Variants in HIF3A observed in about 807,000 individuals in gnomAD.
HIF3A encodes the protein hypoxia-inducible factor 3-alpha.
HIF3A carries 41 observed loss-of-function variants against 67.2 expected under a neutral mutation model. The ratio of observed to expected loss-of-function variants is 0.61; its 90% CI spans 0.48 to 0.79. The LOEUF (loss-of-function observed/expected upper bound fraction) is 0.79, where lower values mean the gene tolerates loss of function less well. Ranked by LOEUF, HIF3A falls within the 30% of genes least tolerant of loss-of-function variation. HIF3A has a pLI of 0.00. For missense variants in HIF3A, 855 were observed against 898.0 expected, an observed-to-expected ratio of 0.95 and a Z score of 0.61; for synonymous variants, 356 against 374.8, an observed-to-expected ratio of 0.95 and a Z score of 0.58.
intron 6 of HIF3A, chr19:46,310,743 C>T: frequency 2.8e-6 from 1 of 361,084 alleles, no homozygotes. Context: ...TCATTATTGT[C>T]ATCATTACTT....
rs776327303 is a variant in HIF3A, at chr19:46,321,916, G to C, written c.1285G>C (p.Ala429Pro). The change falls in exon 10 of 15, where the codon GCC (alanine) becomes CCC (proline). Residue 429 changes from alanine (A) to proline (P), a missense_variant. Coordinates refer to ENST00000377670, the MANE Select transcript of HIF3A (RefSeq NM_152795.4). ...CATCCTGGATGGGGCTTCAGTAGCA[G>C]CCACTCCCAGCACCCCGCTGGCCAC... is the stretch of plus-strand genomic sequence containing the variant. ...GPILDGASVA[A>P]TPSTPLATRH... The C allele has an allele frequency of 2.5e-6, 4 of 1,614,024 alleles. No homozygotes were observed. The highest frequency in any genetic ancestry group is 3.4e-6 in the Non-Finnish European group (4 of 1,180,038).
chr19:46,321,934 C>T lies in HIF3A; in HGVS notation c.1303C>T (p.Leu435=). 1 of 1,614,044 alleles carries T rather than the reference C, an allele frequency of 6.2e-7. No homozygotes were observed. The highest frequency in any genetic ancestry group is 8.5e-7 in the Non-Finnish European group (1 of 1,180,020). Residue 435 remains leucine (L), a synonymous_variant, in exon 10 of 15, where the codon CTG becomes TTG. Coordinates refer to ENST00000377670, the MANE Select transcript of HIF3A (RefSeq NM_152795.4). ...AGTAGCAGCCACTCCCAGCACCCCGCTGGCCACACGGCACCCCCAAAGTCC... is the reference window on the plus strand; with the variant it reads ...AGTAGCAGCCACTCCCAGCACCCCGTTGGCCACACGGCACCCCCAAAGTCC... ...ASVAATPSTP[L]ATRHPQSPLS...
rs1223368514 is a variant in HIF3A, at chr19:46,320,181, G to C, written c.1026-262G>C. 1.5e-4 allele frequency: 49 copies of C among 323,724 alleles called. 2 individuals carry two copies. In the South Asian group the frequency reaches 2.1e-3, roughly 14 times the overall value. 20.1% of individuals were successfully genotyped at this position (323,724 alleles called of 1,614,324 possible). On this transcript the variant is annotated intron_variant, in intron 8 of 14. Coordinates refer to ENST00000377670, the MANE Select transcript of HIF3A (RefSeq NM_152795.4). ...GGAGGCGGAGGTTGCAGTGAGCCGA[G>C]ATCGCGCCACTGCACTCCAGCCTGG...
At chr19:46,300,393 G>T (rs149974266) in intron 1 of HIF3A, among the ~76,000 whole-genome samples, 2,502 of 152,308 alleles carry the variant, frequency 0.016, 47 homozygotes, top group East Asian at 0.062. Context: ...GGGCGCGGTG[G>T]CTCATGCCTG....
intron 10 of HIF3A, among the ~76,000 whole-genome samples, chr19:46,322,693 G>T (rs571546538): frequency 6.6e-6 from 1 of 152,170 alleles, no homozygotes; most frequent in East Asian, 1.9e-4. Context: ...TTCCGGCCTC[G>T]GCCTCCCAGA....
intron 12 of HIF3A, 131 bp from the exon 13 acceptor site, chr19:46,331,025 C>A: frequency 3.6e-6 from 2 of 563,194 alleles, no homozygotes; most frequent in Non-Finnish European, 6.3e-6. Flanking sequence ...GATGGATGGA[C>A]TGGTGGGTGT....
intron 1 of HIF3A, among the ~76,000 whole-genome samples, chr19:46,302,096 A>G (rs906263647): frequency 6.6e-6 from 1 of 151,694 alleles, no homozygotes; most frequent in African/African-American, 2.4e-5. Context: ...TATTTTGCCT[A>G]TTTTTGTTAA....
chr19:46,308,040 G>C, intron 3 of HIF3A, among the ~76,000 whole-genome samples, 181 bp from the exon 4 acceptor site: 1 of 152,130 alleles, frequency 6.6e-6, no homozygotes, highest in East Asian at 1.9e-4. Context: ...CACTTGGTAT[G>C]CGCTGAATAA....
chr19:46,309,150 G>C lies in HIF3A; in HGVS notation c.562-1G>C. 1 of 1,611,694 alleles carries C rather than the reference G, an allele frequency of 6.2e-7. No homozygotes were observed. The highest frequency in any genetic ancestry group is 8.5e-7 in the Non-Finnish European group (1 of 1,178,386). Reference sequence around the variant, plus strand: ...CCTTGTCCCCTCATCTCGGCCCCCAGGTGCTGAACTGCTCTGGACATATGA... The same window carrying C: ...CCTTGTCCCCTCATCTCGGCCCCCACGTGCTGAACTGCTCTGGACATATGA... On this transcript the variant is annotated splice_acceptor_variant, in intron 5 of 14. Coordinates refer to ENST00000377670, the MANE Select transcript of HIF3A (RefSeq NM_152795.4). LOFTEE classifies it high-confidence loss of function.
At chr19:46,312,874 G>C (rs984108075) in intron 8 of HIF3A, 1 of 1,086,738 alleles carries the variant, frequency 9.2e-7, no homozygotes. Context: ...TGGGTGTGTA[G>C]ACTGTTAATT....
chr19:46,320,793 C>T (rs1310055006), intron 9 of HIF3A, among the ~76,000 whole-genome samples: 4 of 152,230 alleles, frequency 2.6e-5, no homozygotes, highest in African/African-American at 9.6e-5. Context: ...CTCTCCTGTC[C>T]TCCCTCCCCT....
At chr19:46,327,389 C>T (rs1336187699) in intron 11 of HIF3A, among the ~76,000 whole-genome samples, 1 of 151,168 alleles carries the variant, frequency 6.6e-6, no homozygotes, top group Admixed American at 6.6e-5. Context: ...AATCTTGGCT[C>T]ACTGCAACTT....
chr19:46,311,126 T>A (rs1030470016), intron 6 of HIF3A, among the ~76,000 whole-genome samples: 1 of 152,154 alleles, frequency 6.6e-6, no homozygotes, highest in Admixed American at 6.5e-5. Context: ...TCTCTTCCTC[T>A]CTCCTATGTC....
chr19:46,329,132 G>A, intron 11 of HIF3A, 75 bp from the exon 12 acceptor site: 7 of 1,392,844 alleles, frequency 5.0e-6, no homozygotes, highest in Non-Finnish European at 6.8e-6. Context: ...ACTCAGAAGT[G>A]ATGGTGCTGG....
intron 12 of HIF3A, 144 bp downstream of exon 12, chr19:46,329,622 A>G: frequency 2.0e-6 from 2 of 1,002,274 alleles, no homozygotes; most frequent in South Asian, 4.5e-5. Flanking sequence ...AGCACATGCC[A>G]AGTTTGTGCC....
Position 46,308,734 on chromosome 19 carries a change from A to G in HIF3A, c.520A>G (p.Ser174Gly), listed in dbSNP as rs1022313761. ...CTTGCGCATGAAGAGTACACTCACC[A>G]GCCGCGGGCGCACCCTCAACCTCAA... is the stretch of plus-strand genomic sequence containing the variant. ...FSLRMKSTLT[S>G]RGRTLNLKAA... Residue 174 changes from serine to glycine, a missense_variant, in exon 5 of 15, where the codon AGC becomes GGC. Ser to Gly is a moderately conservative substitution (Grantham distance 56). Coordinates refer to ENST00000377670, the MANE Select transcript of HIF3A (RefSeq NM_152795.4). 6.2e-7 allele frequency: 1 copy of G among 1,610,458 alleles called. No individual in the cohort carries two copies. Among genetic ancestry groups the G allele is most frequent in the Non-Finnish European group, 8.5e-7 (1 of 1,178,506 alleles).
At chr19:46,330,741 C>G (rs1601352103) in intron 12 of HIF3A, among the ~76,000 whole-genome samples, 1 of 126,750 alleles carries the variant, frequency 7.9e-6, no homozygotes, top group African/African-American at 3.1e-5. Flanking sequence ...AGATGGATGG[C>G]AGATGGGATG....
At position 46,343,173 on chromosome 19, in the gene HIF3A, GA is replaced by G; in HGVS notation, c.*3555del. On this transcript the variant is annotated 3_prime_UTR_variant, in exon 15 of 15. Coordinates refer to ENST00000377670, the MANE Select transcript of HIF3A (RefSeq NM_152795.4). Reference sequence around the variant, plus strand: ...TGGTGCTACTCTTGGTCTCCCACAGGAAAAGGCCTCCCCCCTTCTTAGCCCC... The same window carrying G: ...TGGTGCTACTCTTGGTCTCCCACAGGAAAGGCCTCCCCCCTTCTTAGCCCC... The G allele has an allele frequency of 6.5e-6, 1 of 153,004 alleles. No individual in the cohort carries two copies. The highest frequency in any genetic ancestry group is 1.5e-5 in the Non-Finnish European group (1 of 68,288). The allele number at this position is 153,004 out of a possible 1,614,324, so 9.5% of individuals were successfully genotyped here.
intron 10 of HIF3A, among the ~76,000 whole-genome samples, chr19:46,324,642 T>G (rs1208525661): frequency 1.3e-5 from 2 of 151,722 alleles, no homozygotes; most frequent in Non-Finnish European, 2.9e-5. Flanking sequence ...TTATCTGAGG[T>G]CAGGAGTTCA....
Sources: allele counts gnomAD v4.1 joint callset (sites outside exome capture counted in the v4.1 genomes callset), GRCh38; gene constraint gnomAD v4.1.1; transcripts MANE v1.5; gene names NCBI Gene and HGNC (gene_info 2026-07-23, HGNC 2026-07-21).